ROR2: variants seen among roughly 807,000 people sequenced by gnomAD.
The protein encoded by ROR2 is ROR family WNT receptor 2, also known as tyrosine-protein kinase transmembrane receptor ROR2.
In ROR2, 33 loss-of-function variants were observed where a neutral mutation model predicts 74.9. The observed-to-expected ratio is 0.44, with a 90% CI of 0.33 to 0.59. ROR2 has a LOEUF of 0.59. Among genes scored for constraint, ROR2 ranks in the 20% least tolerant of loss-of-function variants. ROR2 has a pLI of 0.02. For missense variants in ROR2, 1,216 were observed against 1,313.8 expected (o/e 0.93, Z 1.15); for synonymous variants, 586 against 558.7 (o/e 1.05, Z -0.69).
At chr9:91,939,540 G>A (rs988851121) in intron 1 of ROR2, among the ~76,000 whole-genome samples, 3 of 151,978 alleles carry the variant, frequency 2.0e-5, no homozygotes, top group Admixed American at 6.5e-5. Flanking sequence ...TAACTGGGGC[G>A]TTCATCTTTT....
intron 1 of ROR2, among the ~76,000 whole-genome samples, chr9:91,830,904 T>C (rs1053981368): frequency 1.3e-5 from 2 of 151,214 alleles, no homozygotes; most frequent in Non-Finnish European, 2.9e-5. Context: ...TACCAGGAGC[T>C]ACATTTGGCC....
intron 2 of ROR2, among the ~76,000 whole-genome samples, chr9:91,773,466 T>C (rs1263869314): frequency 6.6e-6 from 1 of 152,182 alleles, no homozygotes; most frequent in Non-Finnish European, 1.5e-5. Context: ...GGACCTAAAG[T>C]GCTGTGCAGG....
intron 1 of ROR2, among the ~76,000 whole-genome samples, chr9:91,838,811 A>G (rs12002851): frequency 0.19 from 28,808 of 152,246 alleles, 4,476 homozygotes; most frequent in African/African-American, 0.43. Flanking sequence ...CGTGAAACCC[A>G]GCATTCATAA....
At chr9:91,740,316 A>G (rs1293108905) in intron 4 of ROR2, among the ~76,000 whole-genome samples, 3 of 152,118 alleles carry the variant, frequency 2.0e-5, no homozygotes, top group Admixed American at 1.3e-4. Context: ...TGGGAGGCCA[A>G]GGTGGGAGGA....
chr9:91,730,787 G>T (rs114544281), intron 7 of ROR2, 123 bp downstream of exon 7: 3 of 1,299,148 alleles, frequency 2.3e-6, no homozygotes, highest in Non-Finnish European at 3.3e-6. Flanking sequence ...ACTGTGGTAA[G>T]ATCAGGGGTC....
Position 91,871,816 on chromosome 9 carries a change from C to T in ROR2, c.97+78051G>A, listed in dbSNP as rs376230802. Among the ~76,000 whole-genome samples the T allele has an allele frequency of 2.1e-3, 327 of 152,302 alleles. 2 individuals carry two copies. Among genetic ancestry groups the T allele is most frequent in the South Asian group, 3.7e-3 (18 of 4,828 alleles). ...AAGGCCAAGCCACCTGGAGAGGCCA[C>T]GTATGGGTTCTTGGGTCGAGAGACC... On this transcript the variant is annotated intron_variant, in intron 1 of 8. Transcript: ENST00000375708.
intron 1 of ROR2, among the ~76,000 whole-genome samples, chr9:91,836,539 C>CA (rs753563302): frequency 0.18 from 18,135 of 102,168 alleles, 2,623 homozygotes; most frequent in African/African-American, 0.42. Flanking sequence ...GATTCCATCT[C>CA]AAAAAAAAAA....
intron 1 of ROR2, among the ~76,000 whole-genome samples, chr9:91,859,682 G>A (rs989887905): frequency 6.6e-5 from 10 of 152,090 alleles, no homozygotes; most frequent in Admixed American, 2.6e-4. Context: ...AAAATTAGCC[G>A]GTCGTGGTGG....
intron 1 of ROR2, among the ~76,000 whole-genome samples, chr9:91,879,979 C>A (rs1187031272): frequency 6.6e-6 from 1 of 152,046 alleles, no homozygotes; most frequent in Non-Finnish European, 1.5e-5. Flanking sequence ...GATGTTACTA[C>A]AATACAAAGC....
At chr9:91,729,748 G>A (rs1173213133) in intron 7 of ROR2, among the ~76,000 whole-genome samples, 3 of 152,106 alleles carry the variant, frequency 2.0e-5, no homozygotes, top group African/African-American at 4.8e-5. Flanking sequence ...GAGAACTGTC[G>A]AAGCTGTCAA....
intron 1 of ROR2, among the ~76,000 whole-genome samples, chr9:91,928,629 CT>C (rs1029971442): frequency 1.3e-5 from 2 of 152,210 alleles, no homozygotes; most frequent in African/African-American, 4.8e-5. Flanking sequence ...GCAAGGCATG[CT>C]GCTTCTCTCT....
At chr9:91,889,654 C>G (rs968890510) in intron 1 of ROR2, among the ~76,000 whole-genome samples, 2 of 152,164 alleles carry the variant, frequency 1.3e-5, no homozygotes, top group Non-Finnish European at 2.9e-5. Flanking sequence ...CCAAAGCCAA[C>G]ATCAGACGCC....
chr9:91,762,024 G>C (rs559059053), intron 2 of ROR2, among the ~76,000 whole-genome samples: 24 of 152,294 alleles, frequency 1.6e-4, no homozygotes, highest in African/African-American at 4.1e-4. Flanking sequence ...GGCAATAATT[G>C]TTGTCTCAGT....
chr9:91,878,200 T>A (rs1830008013), intron 1 of ROR2, among the ~76,000 whole-genome samples: 1 of 152,172 alleles, frequency 6.6e-6, no homozygotes, highest in South Asian at 2.1e-4. Flanking sequence ...CACACTGATG[T>A]GGGGCAAGGG....
rs144404042 is a variant in ROR2, at chr9:91,875,192, G to A, written c.97+74675C>T. On this transcript the variant is annotated intron_variant, in intron 1 of 8. Coordinates refer to ENST00000375708, the MANE Select transcript of ROR2 (RefSeq NM_004560.4). The stretch of plus-strand genomic sequence containing the variant: ...TACTCTAACTTCAACATGTAATTCC[G>A]TAAATGAAATGCCTAGAGATATCCT... Among the ~76,000 whole-genome samples, 22 of 152,286 alleles carry A rather than the reference G, an allele frequency of 1.4e-4. No individual in the cohort carries two copies. In the East Asian group the frequency reaches 3.1e-3, roughly 21 times the overall value.
chr9:91,806,636 C>T (rs1827556058), intron 1 of ROR2, among the ~76,000 whole-genome samples: 1 of 152,182 alleles, frequency 6.6e-6, no homozygotes, highest in Non-Finnish European at 1.5e-5. Context: ...GTCGCCCAGG[C>T]TGGAGTGCAG....
At chr9:91,836,308 GGCGGGCAGATCACTT>G (rs1342175701) in intron 1 of ROR2, among the ~76,000 whole-genome samples, 1 of 152,214 alleles carries the variant, frequency 6.6e-6, no homozygotes, top group Admixed American at 6.5e-5. Context: ...GGGAGGCTGA[GGCGGGCAGATCACTT>G]GAGGTCAGGA....
chr9:91,849,151 C>G (rs1271251648), intron 1 of ROR2, among the ~76,000 whole-genome samples: 1 of 152,184 alleles, frequency 6.6e-6, no homozygotes, highest in Non-Finnish European at 1.5e-5. Context: ...TACCATGGGA[C>G]CAAACCCTTT....
intron 1 of ROR2, among the ~76,000 whole-genome samples, chr9:91,819,958 C>CT: frequency 6.6e-6 from 1 of 151,898 alleles, no homozygotes; most frequent in South Asian, 2.1e-4. Flanking sequence ...GTGTATGTGT[C>CT]TGTCTTTGAC....
Sources: allele counts gnomAD v4.1 joint callset (sites outside exome capture counted in the v4.1 genomes callset), GRCh38; gene constraint gnomAD v4.1.1; transcripts MANE v1.5; gene names NCBI Gene and HGNC (gene_info 2026-07-23, HGNC 2026-07-21).